IGSF22: variants seen among roughly 807,000 people sequenced by gnomAD.
The protein encoded by IGSF22 is immunoglobulin superfamily member 22, also known as immunoglobulin superfamily, member 22.
Under a neutral mutation model 127.0 loss-of-function variants are expected in IGSF22, and 119 were observed. The observed-to-expected ratio is 0.94, with a 90% CI of 0.81 to 1.09. The LOEUF is 1.09. IGSF22 is among the 50% of genes least tolerant of loss of function. The pLI is 0.00. For missense variants in IGSF22, 1,518 were observed against 1,716.6 expected (o/e 0.88, Z 2.04); for synonymous variants, 568 against 664.7 (o/e 0.85, Z 2.24).
intron 1 of IGSF22, among the ~76,000 whole-genome samples, chr11:18,724,981 C>T (rs1240129906): frequency 6.6e-6 from 1 of 151,898 alleles, no homozygotes; most frequent in Non-Finnish European, 1.5e-5. Context: ...AATAGGAAAA[C>T]TCATGTGTTC....
rs1252577971 is a variant in IGSF22, at chr11:18,708,255, G to A, written c.3039C>T (p.His1013=). 7.1e-6 allele frequency: 11 copies of A among 1,549,328 alleles called. No individual in the cohort carries two copies. Among genetic ancestry groups the A allele is most frequent in the Non-Finnish European group, 9.6e-6 (11 of 1,145,928 alleles). ...KFDLSARLKS[H]MVVRAGTALC... ...GGGCTGTCCCAGCGCGAACCACCAT[G>A]TGACTCTTCAGCCGGGCACTGAGGT... Residue 1013 remains histidine, a synonymous_variant, in exon 19 of 23, where the codon CAC becomes CAT. Coordinates refer to ENST00000513874, the MANE Select transcript of IGSF22 (RefSeq NM_173588.4).
At position 18,724,079 on chromosome 11, in the gene IGSF22, G is replaced by A. The variant is rs748875821; in HGVS notation, c.109+49C>T. 3.4e-6 allele frequency: 5 copies of A among 1,471,936 alleles called. No individual in the cohort carries two copies. The Admixed American group carries it at 8.4e-5, about 25-fold the overall frequency. 91.2% of individuals were successfully genotyped at this position (1,471,936 alleles called of 1,614,324 possible). ...GGCCACCCAAGGGATGGGTGTGGAG[G>A]AAGAATAGCTGCCCTTCCCGATCCC... On this transcript the variant is annotated intron_variant, in intron 2 of 22. Transcript: ENST00000513874.
At chr11:18,705,394 C>T (rs541513256) in intron 22 of IGSF22, 34 of 175,312 alleles carry the variant, frequency 1.9e-4, no homozygotes, top group African/African-American at 7.4e-4. Context: ...CTTGTTTGTG[C>T]CCCCCACCGG....
In IGSF22 at chr11:18,709,791, C is replaced by A; in HGVS notation, c.2702-108G>T. On this transcript the variant is annotated intron_variant, in intron 17 of 22. Transcript: ENST00000513874. The surrounding 1 kb of genome is among the most constrained non-coding windows in gnomAD (Gnocchi z 4.8). Reference sequence around the variant, plus strand: ...GAACCCCATCCTTCACTACTTCTAGCTCCAGATCCCTCAGTTAACACCCTT... The same window carrying A: ...GAACCCCATCCTTCACTACTTCTAGATCCAGATCCCTCAGTTAACACCCTT... 1 of 1,112,318 alleles carries A rather than the reference C, an allele frequency of 9.0e-7. No homozygotes were observed. The highest frequency in any genetic ancestry group is 1.3e-6 in the Non-Finnish European group (1 of 783,232). 68.9% of individuals were successfully genotyped at this position (1,112,318 alleles called of 1,614,324 possible). A position where few individuals can be genotyped will look rare whatever the true frequency, so the allele number is the denominator to read the frequency against.
At chr11:18,719,941 C>T (rs771155273) in intron 6 of IGSF22, 48 bp from the exon 7 acceptor site, 8 of 1,611,876 alleles carry the variant, frequency 5.0e-6, no homozygotes, top group Non-Finnish European at 6.8e-6. Flanking sequence ...GCCTCTCCAA[C>T]CTTGAGAAAC....
At position 18,704,359 on chromosome 11, in the gene IGSF22, T is replaced by A. The variant is rs962865418; in HGVS notation, c.*109A>T. On this transcript the variant is annotated 3_prime_UTR_variant, in exon 23 of 23. Transcript: ENST00000513874. Reference sequence around the variant, plus strand: ...CCCATCCCTTCACTGAATGTTTACATTAACAAACACCAGAGAGCAAACTGG... The same window carrying A: ...CCCATCCCTTCACTGAATGTTTACAATAACAAACACCAGAGAGCAAACTGG... 5 of 731,830 alleles carry A rather than the reference T, an allele frequency of 6.8e-6. No individual in the cohort carries two copies. Among genetic ancestry groups the A allele is most frequent in the Non-Finnish European group, 1.2e-5 (5 of 412,328 alleles). The allele number at this position is 731,830 out of a possible 1,614,324, so 45.3% of individuals were successfully genotyped here.
In IGSF22 at chr11:18,724,161, G is replaced by T. The variant is rs1005241158; in HGVS notation, c.76C>A (p.Gln26Lys). 3.7e-6 allele frequency: 6 copies of T among 1,613,850 alleles called. No individual in the cohort carries two copies. The African/African-American group carries it at 5.3e-5, about 14-fold the overall frequency. ...MEFSSSTTHV[Q>K]TFSQTTKIVG... ...ATCTTGGTTGTCTGGGAGAAGGTCT[G>T]CACGTGGGTGGTGGAGCTGGAGAAC... is the stretch of plus-strand genomic sequence containing the variant. The change falls in exon 2 of 23, where the codon CAG becomes AAG. Residue 26 changes from glutamine to lysine, a missense_variant. Around this residue, in one of 3 missense-constraint regions of IGSF22, gnomAD observed 1,456 missense variants for 1,644.9 expected, o/e 0.89. Transcript: ENST00000513874.
rs779470807 is a variant in IGSF22, at chr11:18,715,511, A to G, written c.1452T>C (p.Asp484=). 6 of 1,613,916 alleles carry G rather than the reference A, an allele frequency of 3.7e-6. No homozygotes were observed. The highest frequency in any genetic ancestry group is 1.3e-5 in the African/African-American group (1 of 74,860). The change falls in exon 11 of 23, where the codon GAT becomes GAC. Residue 484 remains aspartate, a synonymous_variant. Transcript: ENST00000513874. ...TGGCCACCACAGTGTACTCGCCACC[A>G]TCACTGAGCTGTGCATCCTCAATGA... ...ELIIEDAQLS[D]GGEYTVVAMQ... is the part of the protein sequence containing the mutation.
At chr11:18,706,388 C>T (rs1311623918) in intron 21 of IGSF22, 2 of 556,192 alleles carry the variant, frequency 3.6e-6, no homozygotes, top group African/African-American at 1.9e-5. Flanking sequence ...CACGCTTTCC[C>T]ACACCCCTGG....
At chr11:18,708,376 C>T in intron 18 of IGSF22, 81 bp from the exon 19 acceptor site, 1 of 1,064,196 alleles carries the variant, frequency 9.4e-7, no homozygotes, top group Non-Finnish European at 1.3e-6. Context: ...TCAAAGCCTT[C>T]CCAACCTCTC....
rs1351937356 is a variant in IGSF22 at position 18,706,913 on chromosome 11, C to G, written c.3580+1G>C. ...ACCCTAACTGCAAGTCCCAGACTCACTCTGGTCCTTATTGATGAGCCAGGT... is the reference window on the plus strand; with the variant it reads ...ACCCTAACTGCAAGTCCCAGACTCAGTCTGGTCCTTATTGATGAGCCAGGT... On this transcript the variant is annotated splice_donor_variant, in intron 21 of 22. Coordinates refer to ENST00000513874, the MANE Select transcript of IGSF22 (RefSeq NM_173588.4). LOFTEE classifies it high-confidence loss of function. 2.0e-6 allele frequency: 3 copies of G among 1,502,716 alleles called. No individual in the cohort carries two copies. In the South Asian group the frequency reaches 4.0e-5, roughly 20 times the overall value. 93.1% of individuals were successfully genotyped at this position (1,502,716 alleles called of 1,614,324 possible).
At position 18,709,759 on chromosome 11, in the gene IGSF22, T is replaced by C. The variant is rs1207637613; in HGVS notation, c.2702-76A>G. 2.1e-6 allele frequency: 3 copies of C among 1,436,510 alleles called. No homozygotes were observed. In the African/African-American group the frequency reaches 4.2e-5, roughly 20 times the overall value. 89.0% of individuals were successfully genotyped at this position (1,436,510 alleles called of 1,614,324 possible). Reference sequence around the variant, plus strand: ...TGCCTTGCTCACTTCCCACACTCAATACTCCTGAACCCCATCCTTCACTAC... The same window carrying C: ...TGCCTTGCTCACTTCCCACACTCAACACTCCTGAACCCCATCCTTCACTAC... On this transcript the variant is annotated intron_variant, in intron 17 of 22. Coordinates refer to ENST00000513874, the MANE Select transcript of IGSF22 (RefSeq NM_173588.4). This position sits in a 1 kb window ranked among gnomAD's most constrained non-coding sequence, Gnocchi z 4.8.
At chr11:18,708,177 G>A (rs1203019441) in intron 19 of IGSF22, 30 bp downstream of exon 19, 1 of 1,539,398 alleles carries the variant, frequency 6.5e-7, no homozygotes, top group African/African-American at 1.4e-5. Flanking sequence ...TGTGGACAGT[G>A]TATGGAGGTC....
At chr11:18,707,571 C>A (rs1848264943) in intron 20 of IGSF22, among the ~76,000 whole-genome samples, 1 of 152,156 alleles carries the variant, frequency 6.6e-6, no homozygotes, top group South Asian at 2.1e-4. Flanking sequence ...TTTAAGCAGT[C>A]ACCCCAATTT....
chr11:18,706,603 C>T (rs1848239607), intron 21 of IGSF22: 2 of 382,046 alleles, frequency 5.2e-6, no homozygotes, highest in East Asian at 9.0e-5. Flanking sequence ...CTCCCTAGAG[C>T]CCTCCCCTGT....
intron 1 of IGSF22, among the ~76,000 whole-genome samples, chr11:18,724,575 C>T (rs1015313021): frequency 1.3e-5 from 2 of 152,116 alleles, no homozygotes; most frequent in Non-Finnish European, 2.9e-5. Flanking sequence ...CTATTGATAG[C>T]TACATGGCAC....
In IGSF22 at chr11:18,715,528, C is replaced by T. The variant is rs376971814; in HGVS notation, c.1435G>A (p.Asp479Asn). The T allele has an allele frequency of 5.6e-6, 9 of 1,613,606 alleles. No homozygotes were observed. In the African/African-American group the frequency reaches 1.1e-4, roughly 19 times the overall value. ...EGKRAELIIE[D>N]AQLSDGGEYT... ...TCGCCACCATCACTGAGCTGTGCAT[C>T]CTCAATGATCAGCTCTGCTCGCTTG... The change falls in exon 11 of 23, where the codon GAT becomes AAT. Residue 479 changes from aspartate to asparagine, a missense_variant. Transcript: ENST00000513874.
chr11:18,706,343 C>T lies in IGSF22; in HGVS notation c.3581-197G>A, dbSNP rs1473995489. On this transcript the variant is annotated intron_variant, in intron 21 of 22. Coordinates refer to ENST00000513874, the MANE Select transcript of IGSF22 (RefSeq NM_173588.4). Reference sequence around the variant, plus strand: ...CAGGCCTCCCCCGACCCCCCAGCCCCGTCCCCAGCCACTCCAGGGTTCTGC... The same window carrying T: ...CAGGCCTCCCCCGACCCCCCAGCCCTGTCCCCAGCCACTCCAGGGTTCTGC... 2.0e-5 allele frequency among the ~76,000 whole-genome samples: 3 copies of T among 151,558 alleles called. No individual in the cohort carries two copies. The East Asian group carries it at 5.9e-4, about 30-fold the overall frequency.
intron 2 of IGSF22, 141 bp from the exon 3 acceptor site, chr11:18,722,182 G>A: frequency 1.1e-6 from 1 of 945,544 alleles, no homozygotes; most frequent in Non-Finnish European, 1.6e-6. Flanking sequence ...AGCTACATGG[G>A]GAGAAAGCAG....
Sources: gnomAD v4.1 joint callset for allele counts (sites outside exome capture counted in the v4.1 genomes callset) on GRCh38, gnomAD v4.1.1 for gene constraint, gnomAD v4.1.1 regional missense constraint, Gnocchi (gnomAD v3.1) non-coding constraint, MANE v1.5 for transcripts, NCBI Gene and HGNC (gene_info 2026-07-23, HGNC 2026-07-21) for gene names.